MFHAS1: variants seen among roughly 807,000 people sequenced by gnomAD.
The protein encoded by MFHAS1 is multifunctional ROCO family signaling regulator 1.
In MFHAS1, 50 loss-of-function variants were observed where a neutral mutation model predicts 70.4. The ratio of observed to expected loss-of-function variants is 0.71; its 90% CI spans 0.57 to 0.90. The LOEUF is 0.90. Ranked by LOEUF, MFHAS1 falls within the 40% of genes least tolerant of loss-of-function variation. The pLI, the probability that MFHAS1 is intolerant of heterozygous loss-of-function variation, is 0.00. For synonymous variants in MFHAS1, 952 were observed against 620.0 expected, an observed-to-expected ratio of 1.54 and a Z score of -7.96; for missense variants, 1,795 against 1,347.6, an observed-to-expected ratio of 1.33 and a Z score of -5.20.
chr8:8,811,386 C>A (rs895472913), intron 1 of MFHAS1, among the ~76,000 whole-genome samples: 1 of 151,972 alleles, frequency 6.6e-6, no homozygotes, highest in Non-Finnish European at 1.5e-5. Flanking sequence ...TAGCTCACTG[C>A]AGTCTCAGCA....
At chr8:8,874,673 T>G (rs749137577) in intron 1 of MFHAS1, among the ~76,000 whole-genome samples, 1 of 152,084 alleles carries the variant, frequency 6.6e-6, no homozygotes, top group Non-Finnish European at 1.5e-5. Flanking sequence ...AATCACTATG[T>G]GATTCCCGCT....
chr8:8,888,909 G>A (rs1210474213), intron 1 of MFHAS1, among the ~76,000 whole-genome samples: 1 of 151,976 alleles, frequency 6.6e-6, no homozygotes, highest in Non-Finnish European at 1.5e-5. Flanking sequence ...CTGCTCTGGT[G>A]GGAGATGTTG....
intron 1 of MFHAS1, among the ~76,000 whole-genome samples, chr8:8,826,247 A>AGT (rs112140342): frequency 0.42 from 61,630 of 147,640 alleles, 13,091 homozygotes; most frequent in Non-Finnish European, 0.48. Context: ...AAACACAAAG[A>AGT]GTGTGTGTGT....
chr8:8,812,935 G>A (rs1317135813), intron 1 of MFHAS1, among the ~76,000 whole-genome samples: 1 of 152,102 alleles, frequency 6.6e-6, no homozygotes, highest in Non-Finnish European at 1.5e-5. Context: ...CCCAACTAAA[G>A]GTTGTATTTT....
intron 2 of MFHAS1, 57 bp downstream of exon 2, chr8:8,797,308 C>T (rs1408974849): frequency 1.9e-6 from 3 of 1,599,300 alleles, no homozygotes; most frequent in East Asian, 4.5e-5. Context: ...GTGGTCATAT[C>T]TATGGAGCTG....
intron 1 of MFHAS1, among the ~76,000 whole-genome samples, chr8:8,837,094 C>T (rs572157145): frequency 6.6e-6 from 1 of 152,186 alleles, no homozygotes; most frequent in Admixed American, 6.5e-5. Flanking sequence ...GCTCAGTGCC[C>T]ACAAATATTT....
chr8:8,840,408 G>C (rs1807771129), intron 1 of MFHAS1, among the ~76,000 whole-genome samples: 1 of 144,774 alleles, frequency 6.9e-6, no homozygotes, highest in East Asian at 2.1e-4. Flanking sequence ...AGTGAGCCGA[G>C]ATTGTGCCAC....
intron 1 of MFHAS1, among the ~76,000 whole-genome samples, chr8:8,845,860 C>T (rs371896555): frequency 1.3e-5 from 2 of 152,162 alleles, no homozygotes; most frequent in South Asian, 4.1e-4. Context: ...GCAACTCCAT[C>T]TTTCTGGTTG....
intron 1 of MFHAS1, 35 bp from the exon 2 acceptor site, chr8:8,797,526 T>C: frequency 6.3e-7 from 1 of 1,596,038 alleles, no homozygotes; most frequent in Non-Finnish European, 8.6e-7. Context: ...GTTAGGGAGA[T>C]GTGCACTAAA....
intron 1 of MFHAS1, among the ~76,000 whole-genome samples, chr8:8,871,867 G>C (rs1046395719): frequency 6.6e-6 from 1 of 152,096 alleles, no homozygotes; most frequent in Non-Finnish European, 1.5e-5. Flanking sequence ...CTCTAATGCT[G>C]GTTTAATATA....
chr8:8,807,210 G>T (rs373214534), intron 1 of MFHAS1, among the ~76,000 whole-genome samples: 1 of 151,938 alleles, frequency 6.6e-6, no homozygotes, highest in East Asian at 1.9e-4. Flanking sequence ...GACCAAGAGC[G>T]CTCACCAAAA....
At chr8:8,852,964 CAG>C (rs1283180538) in intron 1 of MFHAS1, among the ~76,000 whole-genome samples, 10 of 152,162 alleles carry the variant, frequency 6.6e-5, no homozygotes, top group Non-Finnish European at 1.5e-4. Flanking sequence ...GGATGTATTT[CAG>C]AGTCCTACTT....
chr8:8,843,034 G>C (rs1377760233), intron 1 of MFHAS1, among the ~76,000 whole-genome samples: 2 of 152,104 alleles, frequency 1.3e-5, no homozygotes, highest in South Asian at 2.1e-4. Context: ...GGGAGGCCGA[G>C]GCGGGTGGAT....
intron 1 of MFHAS1, among the ~76,000 whole-genome samples, chr8:8,818,391 C>G (rs1221488387): frequency 6.6e-6 from 1 of 152,198 alleles, no homozygotes; most frequent in Non-Finnish European, 1.5e-5. Flanking sequence ...TCCCCAGATC[C>G]TTCACAAAGC....
At chr8:8,788,222 A>G (rs553125764) in intron 2 of MFHAS1, among the ~76,000 whole-genome samples, 63 of 152,352 alleles carry the variant, frequency 4.1e-4, no homozygotes, top group African/African-American at 1.3e-3. Flanking sequence ...GCAGGATTTG[A>G]TTTAGTTCTT....
chr8:8,830,840 G>A (rs773746306), intron 1 of MFHAS1, among the ~76,000 whole-genome samples: 58 of 152,100 alleles, frequency 3.8e-4, no homozygotes, highest in African/African-American at 1.2e-3. Context: ...CAGGTGATCC[G>A]CCCACCTCGG....
chr8:8,854,835 C>A (rs1198555058), intron 1 of MFHAS1, among the ~76,000 whole-genome samples: 1 of 152,112 alleles, frequency 6.6e-6, no homozygotes, highest in Non-Finnish European at 1.5e-5. Flanking sequence ...ATAAGCAACA[C>A]TTTATTGTTT....
At chr8:8,837,567 C>G (rs111437268) in intron 1 of MFHAS1, among the ~76,000 whole-genome samples, 3 of 151,992 alleles carry the variant, frequency 2.0e-5, no homozygotes, top group African/African-American at 7.2e-5. Flanking sequence ...TCCTTGAACC[C>G]AGGAGGCGGA....
In MFHAS1 at chr8:8,791,906, T is replaced by C. The variant is rs184525901; in HGVS notation, c.3125+5459A>G. Among the ~76,000 whole-genome samples the C allele has an allele frequency of 1.8e-3, 269 of 152,288 alleles. 1 individual carries two copies. Among genetic ancestry groups the C allele is most frequent in the Non-Finnish European group, 2.0e-3 (139 of 68,030 alleles). ...GCAAGATAAGCCACTGCCTTTAGAC[T>C]GAACTGTGCCAAGGATAACGTGTTT... On this transcript the variant is annotated intron_variant, in intron 2 of 2. Coordinates refer to ENST00000276282, the MANE Select transcript of MFHAS1 (RefSeq NM_004225.3).
Sources: gnomAD v4.1 joint callset for allele counts (sites outside exome capture counted in the v4.1 genomes callset) on GRCh38, gnomAD v4.1.1 for gene constraint, MANE v1.5 for transcripts, NCBI Gene and HGNC (gene_info 2026-07-23, HGNC 2026-07-21) for gene names.